TNKS2: variants seen among roughly 807,000 people sequenced by gnomAD.
TNKS2 encodes the protein tankyrase 2, also known as poly [ADP-ribose] polymerase tankyrase-2.
TNKS2 carries 72 observed loss-of-function variants against 137.6 expected under a neutral mutation model. That is an observed-to-expected ratio of 0.52 (90% CI 0.43 to 0.64). The LOEUF (loss-of-function observed/expected upper bound fraction) is 0.64. Ranked by LOEUF, TNKS2 falls within the 30% of genes least tolerant of loss-of-function variation. The probability of loss-of-function intolerance (pLI) is 0.00; values close to 1 mark genes in which losing one functional copy is unlikely to be tolerated. For missense variants in TNKS2, 1,049 were observed against 1,410.2 expected (o/e 0.74, Z 4.10); for synonymous variants, 516 against 512.1 (o/e 1.01, Z -0.10).
intron 1 of TNKS2, among the ~76,000 whole-genome samples, chr10:91,801,328 A>G (rs1844158565): frequency 6.6e-6 from 1 of 152,150 alleles, no homozygotes; most frequent in Admixed American, 6.5e-5. Context: ...GTGTTTTTTT[A>G]TTACTGAACT....
intron 1 of TNKS2, among the ~76,000 whole-genome samples, chr10:91,811,917 A>G (rs1229881655): frequency 2.6e-5 from 4 of 152,054 alleles, no homozygotes; most frequent in Non-Finnish European, 5.9e-5. Flanking sequence ...AAAATTAGCC[A>G]AGCATGGTGG....
intron 18 of TNKS2, 23 bp from the exon 19 acceptor site, chr10:91,848,360 G>A (rs1842445026): frequency 6.2e-7 from 1 of 1,601,308 alleles, no homozygotes; most frequent in Non-Finnish European, 8.5e-7. Flanking sequence ...TATGGCAGAT[G>A]TTGTCTCTGA....
At chr10:91,813,715 A>T (rs1464467268) in intron 2 of TNKS2, among the ~76,000 whole-genome samples, 1 of 152,232 alleles carries the variant, frequency 6.6e-6, no homozygotes, top group African/African-American at 2.4e-5. Context: ...GAACACTGTG[A>T]TAAGAGTACA....
intron 1 of TNKS2, among the ~76,000 whole-genome samples, chr10:91,805,482 A>G (rs1212947094): frequency 6.6e-6 from 1 of 152,186 alleles, no homozygotes; most frequent in African/African-American, 2.4e-5. Context: ...CTCTGATTTC[A>G]TGCAACCCTC....
chr10:91,808,177 G>T (rs1317249101), intron 1 of TNKS2, among the ~76,000 whole-genome samples: 1 of 151,842 alleles, frequency 6.6e-6, no homozygotes. Context: ...TGGATGGGCA[G>T]AAGGGACTAT....
At chr10:91,831,263 A>G (rs1278366771) in intron 11 of TNKS2, 82 bp downstream of exon 11, 4 of 1,227,954 alleles carry the variant, frequency 3.3e-6, no homozygotes, top group Admixed American at 1.9e-5. Flanking sequence ...TTCCTAAACT[A>G]TTTACTTTCT....
rs140952384 is a variant in TNKS2, at chr10:91,857,319, C to T, written c.2989-106C>T. 2,880 of 552,632 alleles carry T rather than the reference C, an allele frequency of 5.2e-3. 19 individuals carry two copies. Among genetic ancestry groups the T allele is most frequent in the Middle Eastern group, 0.025 (75 of 2,986 alleles). 34.2% of individuals were successfully genotyped at this position (552,632 alleles called of 1,614,324 possible). A position where few individuals can be genotyped will look rare whatever the true frequency, so the allele number is the denominator to read the frequency against. On this transcript the variant is annotated intron_variant, in intron 23 of 26. Coordinates refer to ENST00000371627, the MANE Select transcript of TNKS2 (RefSeq NM_025235.4). ...ATAACACATTTTATATTTCAGAGTA[C>T]AGTTTTGCCTACCTTCTAGCTAAAT...
At chr10:91,821,695 A>T (rs955235961) in intron 6 of TNKS2, among the ~76,000 whole-genome samples, 2 of 152,222 alleles carry the variant, frequency 1.3e-5, no homozygotes, top group African/African-American at 4.8e-5. Flanking sequence ...ATCTCAAAAA[A>T]GTTTTAAAAA....
At chr10:91,844,165 T>C (rs117475556) in intron 16 of TNKS2, among the ~76,000 whole-genome samples, 7,290 of 152,316 alleles carry the variant, frequency 0.048, 243 homozygotes, top group Non-Finnish European at 0.071. Context: ...AAGTCACAAA[T>C]AATTTGTATG....
intron 1 of TNKS2, chr10:91,812,630 T>C (rs7076618): frequency 0.15 from 43,683 of 293,888 alleles, 4,568 homozygotes; most frequent in African/African-American, 0.36. Context: ...TTTTATACTT[T>C]GAACATCTGA....
At chr10:91,801,534 C>T (rs1364203578) in intron 1 of TNKS2, among the ~76,000 whole-genome samples, 1 of 151,602 alleles carries the variant, frequency 6.6e-6, no homozygotes, top group South Asian at 2.1e-4. Flanking sequence ...AGTGCAGCGT[C>T]ACGATCTCAG....
intron 13 of TNKS2, among the ~76,000 whole-genome samples, chr10:91,838,169 T>A (rs1157389985): frequency 6.6e-6 from 1 of 151,822 alleles, no homozygotes; most frequent in African/African-American, 2.4e-5. Context: ...GACTAAACTT[T>A]GTTTTTATAA....
At chr10:91,861,813 CAA>C (rs1842859436) in intron 25 of TNKS2, among the ~76,000 whole-genome samples, 184 bp from the exon 26 acceptor site, 1 of 152,030 alleles carries the variant, frequency 6.6e-6, no homozygotes, top group African/African-American at 2.4e-5. Context: ...ACTAAATTGA[CAA>C]ATTATTTCAT....
chr10:91,824,127 A>G (rs2133620951), intron 7 of TNKS2, among the ~76,000 whole-genome samples: 1 of 152,370 alleles, frequency 6.6e-6, no homozygotes, highest in Admixed American at 6.5e-5. Context: ...GGTCATACCT[A>G]CAGAGGGAGT....
intron 24 of TNKS2, among the ~76,000 whole-genome samples, chr10:91,859,101 C>G (rs925417154): frequency 6.6e-6 from 1 of 152,096 alleles, no homozygotes; most frequent in Non-Finnish European, 1.5e-5. Context: ...ATTCTAAGAC[C>G]TAATTGCATT....
chr10:91,839,633 T>C (rs543842905), intron 13 of TNKS2, among the ~76,000 whole-genome samples: 1 of 152,220 alleles, frequency 6.6e-6, no homozygotes, highest in Non-Finnish European at 1.5e-5. Flanking sequence ...CCACATGGAG[T>C]GGTATGGTTA....
chr10:91,862,191 T>C (rs1264545196), intron 26 of TNKS2, 36 bp downstream of exon 26: 9 of 1,489,402 alleles, frequency 6.0e-6, no homozygotes, highest in Non-Finnish European at 8.1e-6. Flanking sequence ...TCAAAAATGC[T>C]AGGGAGGCAT....
chr10:91,806,706 ATGGTG>A lies in TNKS2; in HGVS notation c.200-6273_200-6269del, dbSNP rs1844335456. Among the ~76,000 whole-genome samples, 3 of 152,306 alleles carry A rather than the reference ATGGTG, an allele frequency of 2.0e-5. No homozygotes were observed. The South Asian group carries it at 6.2e-4, about 32-fold the overall frequency. ...CACAGTATGTATAACAATGCATACT[ATGGTG>A]TGGGGTTAATTCCAATTACCATATT... On this transcript the variant is annotated intron_variant, in intron 1 of 26. Coordinates refer to ENST00000371627, the MANE Select transcript of TNKS2 (RefSeq NM_025235.4).
chr10:91,860,685 G>T (rs1267159559), intron 25 of TNKS2, among the ~76,000 whole-genome samples: 1 of 152,146 alleles, frequency 6.6e-6, no homozygotes, highest in Non-Finnish European at 1.5e-5. Context: ...GATTTCAAAG[G>T]GCTTCCGAGC....
Sources: gnomAD v4.1 joint callset for allele counts (sites outside exome capture counted in the v4.1 genomes callset) on GRCh38, gnomAD v4.1.1 for gene constraint, MANE v1.5 for transcripts, NCBI Gene and HGNC (gene_info 2026-07-23, HGNC 2026-07-21) for gene names.